GNA12: variants seen among roughly 807,000 people sequenced by gnomAD.
The protein encoded by GNA12 is guanine nucleotide-binding protein subunit alpha-12.
In GNA12, 9 loss-of-function variants were observed where a neutral mutation model predicts 26.0. That is an observed-to-expected ratio of 0.35 (90% CI 0.21 to 0.60). The LOEUF (loss-of-function observed/expected upper bound fraction) is 0.60. Among genes scored for constraint, GNA12 ranks in the 20% least tolerant of loss-of-function variants. The probability of loss-of-function intolerance (pLI) is 0.78; values close to 1 mark genes in which losing one functional copy is unlikely to be tolerated. For missense variants in GNA12, 405 were observed against 525.8 expected, an observed-to-expected ratio of 0.77 and a Z score of 2.25; for synonymous variants, 264 against 219.6, an observed-to-expected ratio of 1.20 and a Z score of -1.79.
intron 2 of GNA12, among the ~76,000 whole-genome samples, chr7:2,744,018 C>G (rs530969612): frequency 6.6e-6 from 1 of 152,208 alleles, no homozygotes; most frequent in Non-Finnish European, 1.5e-5. Flanking sequence ...ACAAAGCAGC[C>G]GGGAAGCTCA....
At chr7:2,812,695 T>TCACATCACATCACATCA (rs920827670) in intron 1 of GNA12, among the ~76,000 whole-genome samples, 2 of 150,664 alleles carry the variant, frequency 1.3e-5, no homozygotes, top group Admixed American at 6.6e-5. Flanking sequence ...TCACATCACA[T>TCACATCACATCACATCA]CAGGGGCTTT....
intron 2 of GNA12, among the ~76,000 whole-genome samples, chr7:2,740,902 G>C (rs375230513): frequency 6.6e-6 from 1 of 152,060 alleles, no homozygotes; most frequent in Non-Finnish European, 1.5e-5. Flanking sequence ...AAAATTAGTC[G>C]GGCGTGGTGG....
chr7:2,794,894 A>G (rs1378716062), intron 2 of GNA12, 34 bp downstream of exon 2: 4 of 1,449,216 alleles, frequency 2.8e-6, no homozygotes, highest in Admixed American at 1.7e-5. Flanking sequence ...AAAACACACT[A>G]TCAGGTGCCC....
intron 2 of GNA12, among the ~76,000 whole-genome samples, chr7:2,772,862 C>G (rs142688963): frequency 1.7e-4 from 26 of 152,288 alleles, no homozygotes; most frequent in Non-Finnish European, 3.4e-4. Flanking sequence ...GCTTTACTCA[C>G]AGTAGCCAAA....
intron 1 of GNA12, among the ~76,000 whole-genome samples, chr7:2,836,542 C>G (rs1778843266): frequency 6.6e-6 from 1 of 152,172 alleles, no homozygotes. Context: ...AAAAAGAACT[C>G]CAAGAAGAGC....
chr7:2,741,714 C>T (rs1023819518), intron 2 of GNA12, among the ~76,000 whole-genome samples: 9 of 151,912 alleles, frequency 5.9e-5, no homozygotes, highest in South Asian at 4.2e-4. Context: ...TTTAAAAATC[C>T]GTCATCATTT....
At chr7:2,787,096 C>T (rs759827324) in intron 2 of GNA12, among the ~76,000 whole-genome samples, 20 of 152,164 alleles carry the variant, frequency 1.3e-4, no homozygotes, top group Admixed American at 3.3e-4. Context: ...CCCAAATCCA[C>T]AGACAGAACA....
At chr7:2,840,039 A>AG (rs1486861579) in intron 1 of GNA12, among the ~76,000 whole-genome samples, 1 of 152,204 alleles carries the variant, frequency 6.6e-6, no homozygotes, top group Admixed American at 6.5e-5. Flanking sequence ...GGTCTGGGAC[A>AG]GGAAGGGGAG....
chr7:2,762,772 C>G, intron 2 of GNA12: 2 of 1,546,950 alleles, frequency 1.3e-6, no homozygotes, highest in Non-Finnish European at 1.7e-6. Context: ...TCCTTTCCAC[C>G]CAGGCTGTAC....
intron 2 of GNA12, among the ~76,000 whole-genome samples, chr7:2,734,819 G>C (rs953173101): frequency 2.0e-5 from 3 of 152,134 alleles, no homozygotes; most frequent in African/African-American, 7.2e-5. Context: ...GACGGGGCGA[G>C]CACGTGCACC....
In GNA12 at chr7:2,803,835, C is replaced by G. The variant is rs528572786; in HGVS notation, c.310-8692G>C. ...AAACAAACAAACAAAAAAACAACTC[C>G]AAACCAATCCAGATTTCCCCAGATC... On this transcript the variant is annotated intron_variant, in intron 1 of 3. Transcript: ENST00000275364. Among the ~76,000 whole-genome samples, 111 of 152,098 alleles carry G rather than the reference C, an allele frequency of 7.3e-4. 1 individual carries two copies. The South Asian group carries it at 8.3e-3, about 11-fold the overall frequency.
chr7:2,751,669 GA>G (rs2115363632), intron 2 of GNA12, among the ~76,000 whole-genome samples: 1 of 152,292 alleles, frequency 6.6e-6, no homozygotes, highest in South Asian at 2.1e-4. Flanking sequence ...CCAGTATCAG[GA>G]ATGAAAAAGT....
chr7:2,837,357 A>G (rs192291382), intron 1 of GNA12, among the ~76,000 whole-genome samples: 8 of 152,352 alleles, frequency 5.3e-5, no homozygotes, highest in Admixed American at 2.0e-4. Context: ...GGTCATTAAC[A>G]AAAGTGCTAA....
At chr7:2,775,419 C>T (rs1407919295) in intron 2 of GNA12, 2 of 152,216 alleles carry the variant, frequency 1.3e-5, no homozygotes, top group Non-Finnish European at 2.9e-5. Flanking sequence ...GTGGGAACGA[C>T]AAACCGAGAG....
At chr7:2,757,633 T>C (rs798495) in intron 2 of GNA12, among the ~76,000 whole-genome samples, 36,870 of 152,120 alleles carry the variant, frequency 0.24, 5,233 homozygotes, top group Non-Finnish European at 0.3. Flanking sequence ...CCCAAGCACA[T>C]TGGGAGATCA....
chr7:2,728,483 TAA>T lies in GNA12; in HGVS notation c.*2696_*2697del, dbSNP rs1159912039. On this transcript the variant is annotated 3_prime_UTR_variant, in exon 4 of 4. Transcript: ENST00000275364. Reference sequence around the variant, plus strand: ...CCTTGAAACAATTTCTCTACGAACATAAGAGTTAAAAATAGATTTCAGTAAAA... The same window carrying T: ...CCTTGAAACAATTTCTCTACGAACATGAGTTAAAAATAGATTTCAGTAAAA... The T allele has an allele frequency of 6.6e-6, 1 of 152,364 alleles. No homozygotes were observed. Among genetic ancestry groups the T allele is most frequent in the African/African-American group, 2.4e-5 (1 of 41,438 alleles). The allele number at this position is 152,364 out of a possible 1,614,324, so 9.4% of individuals were successfully genotyped here. A position where few individuals can be genotyped will look rare whatever the true frequency, so the allele number is the denominator to read the frequency against.
chr7:2,757,889 T>C (rs1013837400), intron 2 of GNA12, among the ~76,000 whole-genome samples: 1 of 152,202 alleles, frequency 6.6e-6, no homozygotes, highest in Admixed American at 6.5e-5. Flanking sequence ...TTTCCTTTAA[T>C]AGCTTAGTGG....
At chr7:2,744,290 T>A (rs1484337381) in intron 2 of GNA12, among the ~76,000 whole-genome samples, 1 of 152,150 alleles carries the variant, frequency 6.6e-6, no homozygotes, top group African/African-American at 2.4e-5. Context: ...GACTGACACC[T>A]CACACGGCCG....
At chr7:2,806,478 AG>A (rs1442190167) in intron 1 of GNA12, among the ~76,000 whole-genome samples, 11 of 147,810 alleles carry the variant, frequency 7.4e-5, no homozygotes, top group South Asian at 2.1e-4. Context: ...AAAAAAAAAA[AG>A]AAAAAGAAAA....
Sources: allele counts gnomAD v4.1 joint callset (sites outside exome capture counted in the v4.1 genomes callset), GRCh38; gene constraint gnomAD v4.1.1; transcripts MANE v1.5; gene names NCBI Gene and HGNC (gene_info 2026-07-23, HGNC 2026-07-21).